Variants in RASSF9 observed in about 807,000 individuals in gnomAD.
RASSF9 encodes ras association domain-containing protein 9.
In RASSF9, 18 loss-of-function variants were observed where a neutral mutation model predicts 21.4. The ratio of observed to expected loss-of-function variants is 0.84; its 90% CI spans 0.58 to 1.25. RASSF9 has a LOEUF of 1.25. Among genes scored for constraint, RASSF9 ranks in the 50% most tolerant of loss-of-function variants. The pLI is 0.00. For missense variants in RASSF9, 480 were observed against 503.2 expected, an observed-to-expected ratio of 0.95 and a Z score of 0.44; for synonymous variants, 183 against 179.1, an observed-to-expected ratio of 1.02 and a Z score of -0.18.
rs1394476553 is a variant in RASSF9 at position 85,805,902 on chromosome 12, T to C, written c.108A>G (p.Glu36=). 6.2e-7 allele frequency: 1 copy of C among 1,613,880 alleles called. No individual in the cohort carries two copies. The highest frequency in any genetic ancestry group is 1.1e-5 in the South Asian group (1 of 91,076). ...TAGTCAGCCCACAGACAAGCTTCTC[T>C]TCTTGGCAAACCCAAACCACAATTT... ...EKEIVVWVCQ[E]EKLVCGLTKR... Residue 36 remains glutamate, a synonymous_variant, in exon 2 of 2, where the codon GAA becomes GAG. Transcript: ENST00000361228.
At chr12:85,834,508 A>G (rs1024962652) in intron 1 of RASSF9, among the ~76,000 whole-genome samples, 1 of 152,136 alleles carries the variant, frequency 6.6e-6, no homozygotes, top group African/African-American at 2.4e-5. Flanking sequence ...TGAAGAATGC[A>G]CTTCCCTGAG....
intron 1 of RASSF9, among the ~76,000 whole-genome samples, chr12:85,821,754 C>A (rs1239716360): frequency 6.6e-6 from 1 of 151,902 alleles, no homozygotes; most frequent in Non-Finnish European, 1.5e-5. Context: ...ACCAGTCATG[C>A]GGGATAAGAA....
intron 1 of RASSF9, among the ~76,000 whole-genome samples, chr12:85,833,098 GA>G (rs146307047): frequency 0.23 from 35,105 of 151,132 alleles, 4,278 homozygotes; most frequent in Non-Finnish European, 0.26. Flanking sequence ...TTTAAATTTA[GA>G]AAAAAAATTA....
rs776835372 is a variant in RASSF9 at position 85,805,097 on chromosome 12, C to T, written c.913G>A (p.Glu305Lys). Residue 305 changes from glutamate to lysine, a missense_variant, in exon 2 of 2, where the codon GAA becomes AAA. Glu to Lys is a moderately conservative substitution (Grantham distance 56). Transcript: ENST00000361228. ...CIDINEDAEG[E>K]AASELESSNL... ...GAGCTTTCCAGTTCACTTGCAGCTT[C>T]CCCTTCCGCATCTTCATTTATATCA... is the stretch of plus-strand genomic sequence containing the variant. The T allele has an allele frequency of 1.4e-4, 225 of 1,613,892 alleles. No individual in the cohort carries two copies. Among genetic ancestry groups the T allele is most frequent in the Non-Finnish European group, 1.7e-4 (203 of 1,179,916 alleles).
intron 1 of RASSF9, among the ~76,000 whole-genome samples, chr12:85,811,058 G>A (rs1173571732): frequency 2.0e-5 from 3 of 151,766 alleles, no homozygotes; most frequent in Non-Finnish European, 4.4e-5. Context: ...AACTGATTAT[G>A]TGTCAATAGT....
At chr12:85,825,121 C>A (rs1047407169) in intron 1 of RASSF9, among the ~76,000 whole-genome samples, 33 of 152,042 alleles carry the variant, frequency 2.2e-4, no homozygotes, top group African/African-American at 7.7e-4. Flanking sequence ...TCCTGCCTCA[C>A]CCTCCCTGGT....
intron 1 of RASSF9, among the ~76,000 whole-genome samples, chr12:85,813,175 A>T (rs1251554228): frequency 5.9e-5 from 9 of 151,912 alleles, no homozygotes; most frequent in Admixed American, 5.9e-4. Flanking sequence ...TATATACTAC[A>T]TGAAACTTTC....
rs1879722467 is a variant in RASSF9, at chr12:85,802,350, A to T, written c.*2352T>A. 6.6e-6 allele frequency: 1 copy of T among 152,184 alleles called. No homozygotes were observed. Among genetic ancestry groups the T allele is most frequent in the Non-Finnish European group, 1.5e-5 (1 of 68,018 alleles). 9.4% of individuals were successfully genotyped at this position (152,184 alleles called of 1,614,324 possible). On this transcript the variant is annotated 3_prime_UTR_variant, in exon 2 of 2. Transcript: ENST00000361228. ...TTAATATATTAACATGTAACTGTAA[A>T]TTAAGAGGTTCACCATGGTAGCTGA...
intron 1 of RASSF9, among the ~76,000 whole-genome samples, chr12:85,835,925 G>A (rs981959590): frequency 6.6e-6 from 1 of 152,102 alleles, no homozygotes; most frequent in South Asian, 2.1e-4. Flanking sequence ...TATTCTCTGC[G>A]ATCCTTGAGC....
chr12:85,814,379 G>A (rs1309302221), intron 1 of RASSF9, among the ~76,000 whole-genome samples: 3 of 151,998 alleles, frequency 2.0e-5, no homozygotes, highest in Admixed American at 1.3e-4. Context: ...GTAGAAGCCA[G>A]GAAGATAAAT....
At chr12:85,813,665 C>A (rs916164436) in intron 1 of RASSF9, among the ~76,000 whole-genome samples, 2 of 151,768 alleles carry the variant, frequency 1.3e-5, no homozygotes, top group African/African-American at 4.8e-5. Flanking sequence ...AGCAAAATTT[C>A]TTCCTAGTGT....
intron 1 of RASSF9, among the ~76,000 whole-genome samples, chr12:85,807,460 T>C (rs1288617582): frequency 1.3e-5 from 2 of 152,056 alleles, no homozygotes; most frequent in African/African-American, 4.8e-5. Context: ...ATGCTTTACA[T>C]ATGTCTGTCT....
At chr12:85,821,515 A>C (rs1880210418) in intron 1 of RASSF9, among the ~76,000 whole-genome samples, 1 of 152,180 alleles carries the variant, frequency 6.6e-6, no homozygotes, top group African/African-American at 2.4e-5. Context: ...CAAACCATTA[A>C]CATTTTTTAA....
At position 85,804,822 on chromosome 12, in the gene RASSF9, G is replaced by A; in HGVS notation, c.1188C>T (p.Pro396=). 1.9e-6 allele frequency: 3 copies of A among 1,613,250 alleles called. No individual in the cohort carries two copies. The highest frequency in any genetic ancestry group is 2.5e-6 in the Non-Finnish European group (3 of 1,179,230). Residue 396 remains proline (P), a synonymous_variant, in exon 2 of 2, where the codon CCC becomes CCT. Coordinates refer to ENST00000361228, the MANE Select transcript of RASSF9 (RefSeq NM_005447.4). ...EVPSSNGEIP[P]FTQRVFSNYT... is the part of the protein sequence containing the mutation. Reference sequence around the variant, plus strand: ...AATTGCTAAATACTCTTTGAGTAAAGGGAGGAATCTCCCCATTGCTACTGG... The same window carrying A: ...AATTGCTAAATACTCTTTGAGTAAAAGGAGGAATCTCCCCATTGCTACTGG...
chr12:85,816,968 C>T (rs1386604358), intron 1 of RASSF9, among the ~76,000 whole-genome samples: 1 of 151,908 alleles, frequency 6.6e-6, no homozygotes, highest in Non-Finnish European at 1.5e-5. Flanking sequence ...TCAAAGATGC[C>T]AAGTTCGGAA....
At chr12:85,826,109 A>C (rs547158502) in intron 1 of RASSF9, among the ~76,000 whole-genome samples, 1 of 152,278 alleles carries the variant, frequency 6.6e-6, no homozygotes, top group South Asian at 2.1e-4. Context: ...AATGTGTCCA[A>C]ACACCAGGTG....
intron 1 of RASSF9, among the ~76,000 whole-genome samples, chr12:85,815,946 G>C (rs749822754): frequency 6.6e-6 from 1 of 152,080 alleles, no homozygotes; most frequent in African/African-American, 2.4e-5. Context: ...TAAAGAAAAT[G>C]TGGTTCATAT....
intron 1 of RASSF9, among the ~76,000 whole-genome samples, chr12:85,822,929 G>T (rs1880247012): frequency 6.6e-6 from 1 of 152,184 alleles, no homozygotes; most frequent in South Asian, 2.1e-4. Context: ...GGCCAGGCAC[G>T]GTGGCTCACG....
intron 1 of RASSF9, among the ~76,000 whole-genome samples, chr12:85,833,319 T>C (rs772193618): frequency 2.0e-5 from 3 of 151,908 alleles, no homozygotes; most frequent in Non-Finnish European, 4.4e-5. Context: ...CAAAACTGAA[T>C]AAACAATTGT....
Sources: allele counts gnomAD v4.1 joint callset (sites outside exome capture counted in the v4.1 genomes callset), GRCh38; gene constraint gnomAD v4.1.1; transcripts MANE v1.5; gene names NCBI Gene and HGNC (gene_info 2026-07-23, HGNC 2026-07-21).